PDE1C: variants seen among roughly 807,000 people sequenced by gnomAD.
PDE1C encodes the protein phosphodiesterase 1C, also known as dual specificity calcium/calmodulin-dependent 3',5'-cyclic nucleotide phosphodiesterase 1C.
A neutral mutation model predicts 93.1 loss-of-function variants in PDE1C; 62 were observed. That is an observed-to-expected ratio of 0.67 (90% CI 0.54 to 0.82). The LOEUF (loss-of-function observed/expected upper bound fraction) is 0.82, where lower values mean the gene tolerates loss of function less well. PDE1C is among the 40% of genes least tolerant of loss of function. PDE1C has a pLI of 0.00. For synonymous variants in PDE1C, 325 were observed against 310.1 expected (o/e 1.05, Z -0.50); for missense variants, 742 against 884.6 (o/e 0.84, Z 2.04).
At chr7:31,818,147 C>G (rs932648522) in intron 14 of PDE1C, among the ~76,000 whole-genome samples, 2 of 152,132 alleles carry the variant, frequency 1.3e-5, no homozygotes, top group Admixed American at 1.3e-4. Context: ...TGACATTCTA[C>G]TCCCCAAAAG....
At chr7:31,912,235 C>T (rs1304202165) in intron 2 of PDE1C, among the ~76,000 whole-genome samples, 2 of 152,168 alleles carry the variant, frequency 1.3e-5, no homozygotes, top group Non-Finnish European at 1.5e-5. Flanking sequence ...GTTAACCTTA[C>T]AATCTCACAG....
chr7:32,360,684 C>T (rs115940597), intron 1 of PDE1C, among the ~76,000 whole-genome samples: 1,711 of 152,314 alleles, frequency 0.011, 28 homozygotes, highest in African/African-American at 0.039. Flanking sequence ...AATTTACAAA[C>T]AAGGGGCCCT....
intron 1 of PDE1C, among the ~76,000 whole-genome samples, chr7:32,268,980 CAA>C (rs1810787768): frequency 6.6e-6 from 1 of 152,204 alleles, no homozygotes. Context: ...TCACAATTTA[CAA>C]AGTCTTTACC....
intron 3 of PDE1C, among the ~76,000 whole-genome samples, chr7:32,154,693 C>A (rs932724174): frequency 2.0e-5 from 3 of 152,204 alleles, no homozygotes; most frequent in Non-Finnish European, 2.9e-5. Context: ...TTGTCTGACT[C>A]CAAGCTCTAG....
rs544207903 is a variant in PDE1C at position 32,154,339 on chromosome 7, C to CT, written c.308+15445dup. Among the ~76,000 whole-genome samples the CT allele has an allele frequency of 5.1e-3, 781 of 152,006 alleles. 6 individuals are homozygous for CT. The highest frequency in any genetic ancestry group is 0.018 in the African/African-American group (755 of 41,434). ...GGAGATTAGGCACTACACTAAATGCCTTTTTTAACCTTTTATTTAAATGAT... is the reference window on the plus strand; with the variant it reads ...GGAGATTAGGCACTACACTAAATGCCTTTTTTTAACCTTTTATTTAAATGAT... On this transcript the variant is annotated intron_variant, in intron 3 of 18. Transcript: ENST00000396193.
intron 2 of PDE1C, among the ~76,000 whole-genome samples, chr7:32,181,679 T>C (rs1488604358): frequency 4.6e-5 from 7 of 151,864 alleles, no homozygotes; most frequent in Non-Finnish European, 7.4e-5. Flanking sequence ...TAGCACTAAA[T>C]GCCCACAAGA....
intron 2 of PDE1C, among the ~76,000 whole-genome samples, chr7:32,014,936 C>A (rs146280516): frequency 6.6e-6 from 1 of 152,088 alleles, no homozygotes; most frequent in South Asian, 2.1e-4. Context: ...ATAATCTTCA[C>A]GTGTCAAGGG....
chr7:32,052,943 G>A (rs1317539855), intron 1 of PDE1C, among the ~76,000 whole-genome samples: 1 of 151,786 alleles, frequency 6.6e-6, no homozygotes, highest in Non-Finnish European at 1.5e-5. Flanking sequence ...CATTATAACA[G>A]AAAAAAATAT....
the PDE1C span, among the ~76,000 whole-genome samples, chr7:31,677,422 G>A: frequency 6.6e-6 from 1 of 152,248 alleles, no homozygotes; most frequent in East Asian, 1.9e-4. Context: ...CCAATAGACT[G>A]TAATGGCAAA....
At chr7:32,237,830 G>A (rs1035148870) in intron 1 of PDE1C, among the ~76,000 whole-genome samples, 1 of 144,412 alleles carries the variant, frequency 6.9e-6, no homozygotes, top group Admixed American at 7.1e-5. Flanking sequence ...TAGTGCAATG[G>A]CATGATCTCG....
At position 32,412,908 on chromosome 7, in the gene PDE1C, GA is replaced by G. The variant is rs60534477; in HGVS notation, c.310+14913del. 5.3e-5 allele frequency among the ~76,000 whole-genome samples: 8 copies of G among 151,332 alleles called. No homozygotes were observed. In the East Asian group the frequency reaches 5.8e-4, roughly 11 times the overall value. On this transcript the variant is annotated intron_variant, in intron 1 of 1. Transcript: ENST00000672256. ...GAAGGGGTAAGACTAACATAGCACGGAAAAAAAAATTGGAATAGTCATTATA... is the reference window on the plus strand; with the variant it reads ...GAAGGGGTAAGACTAACATAGCACGGAAAAAAAATTGGAATAGTCATTATA...
chr7:32,203,893 C>CTT (rs1562574724), intron 2 of PDE1C, among the ~76,000 whole-genome samples: 2 of 152,182 alleles, frequency 1.3e-5, no homozygotes, highest in Non-Finnish European at 2.9e-5. Flanking sequence ...AATTCGCTCT[C>CTT]CCTGTGGATC....
At chr7:31,639,072 C>A in the PDE1C span, among the ~76,000 whole-genome samples, 1 of 152,140 alleles carries the variant, frequency 6.6e-6, no homozygotes, top group African/African-American at 2.4e-5. Flanking sequence ...CCACTGCGCC[C>A]AGCCAGTAAT....
At chr7:31,719,400 G>A in the PDE1C span, among the ~76,000 whole-genome samples, 1 of 152,204 alleles carries the variant, frequency 6.6e-6, no homozygotes, top group Admixed American at 6.5e-5. Flanking sequence ...TGAGCAAGTC[G>A]ACACCTGTTT....
intron 11 of PDE1C, among the ~76,000 whole-genome samples, chr7:31,833,011 T>A (rs562897245): frequency 6.6e-6 from 1 of 152,282 alleles, no homozygotes; most frequent in South Asian, 2.1e-4. Context: ...TCATCTTAAA[T>A]TGTAGCTCCT....
chr7:31,968,724 A>G (rs1177797387), intron 2 of PDE1C, among the ~76,000 whole-genome samples: 1 of 152,222 alleles, frequency 6.6e-6, no homozygotes, highest in Non-Finnish European at 1.5e-5. Context: ...ACAAGGCTAC[A>G]GTAACCAAAA....
chr7:32,202,320 G>T (rs898057555), intron 2 of PDE1C, among the ~76,000 whole-genome samples: 3 of 152,140 alleles, frequency 2.0e-5, no homozygotes, highest in Non-Finnish European at 2.9e-5. Flanking sequence ...TCAGTGTCCT[G>T]CCCCTTACCC....
intron 2 of PDE1C, among the ~76,000 whole-genome samples, chr7:31,950,482 A>G (rs1807216567): frequency 6.6e-6 from 1 of 152,170 alleles, no homozygotes; most frequent in African/African-American, 2.4e-5. Context: ...GCAGAGTAGG[A>G]CAGAACTAAA....
At chr7:31,741,185 CT>C in the PDE1C span, among the ~76,000 whole-genome samples, 3 of 151,346 alleles carry the variant, frequency 2.0e-5, no homozygotes, top group African/African-American at 7.3e-5. Flanking sequence ...GACTTTTCAC[CT>C]TTTTTATTTC....
Sources: allele counts gnomAD v4.1 joint callset (sites outside exome capture counted in the v4.1 genomes callset), GRCh38; gene constraint gnomAD v4.1.1; transcripts MANE v1.5; gene names NCBI Gene and HGNC (gene_info 2026-07-23, HGNC 2026-07-21).